FANCC: variants seen among roughly 807,000 people sequenced by gnomAD.
FANCC encodes FA complementation group C.
In FANCC, 55 loss-of-function variants were observed where a neutral mutation model predicts 71.3. That is an observed-to-expected ratio of 0.77 (90% CI 0.62 to 0.97). FANCC has a LOEUF of 0.97. FANCC is among the 50% of genes least tolerant of loss of function. The probability of loss-of-function intolerance (pLI) is 0.00; values close to 1 mark genes in which losing one functional copy is unlikely to be tolerated. For synonymous variants in FANCC, 275 were observed against 244.9 expected (o/e 1.12, Z -1.15); for missense variants, 678 against 670.9 (o/e 1.01, Z -0.12).
At chr9:95,211,527 A>G (rs1410622664) in intron 4 of FANCC, among the ~76,000 whole-genome samples, 1 of 152,230 alleles carries the variant, frequency 6.6e-6, no homozygotes, top group African/African-American at 2.4e-5. Context: ...AGGCCACTAT[A>G]GACCTGCCCC....
chr9:95,196,232 G>A (rs1272561841), intron 4 of FANCC, among the ~76,000 whole-genome samples: 2 of 151,968 alleles, frequency 1.3e-5, no homozygotes, highest in African/African-American at 2.4e-5. Flanking sequence ...TTCACTCTAC[G>A]TGTTTGGGAG....
intron 6 of FANCC, among the ~76,000 whole-genome samples, chr9:95,164,760 C>T (rs905271952): frequency 6.6e-6 from 1 of 152,096 alleles, no homozygotes; most frequent in Non-Finnish European, 1.5e-5. Flanking sequence ...CATGTAGTTT[C>T]ATTGCCTGAT....
At chr9:95,114,542 T>C in intron 12 of FANCC, 87 bp downstream of exon 12, 1 of 1,194,274 alleles carries the variant, frequency 8.4e-7, no homozygotes, top group Non-Finnish European at 1.3e-6. Context: ...AGTAATGCCT[T>C]CCTCTGTCAG....
chr9:95,294,421 T>C (rs1834249753), intron 1 of FANCC: 11 of 1,604,808 alleles, frequency 6.9e-6, no homozygotes, highest in Non-Finnish European at 9.4e-6. Flanking sequence ...TTCTAACTTC[T>C]TAGGCCTTGA....
chr9:95,173,318 A>G (rs547741195), intron 4 of FANCC, among the ~76,000 whole-genome samples: 31 of 152,326 alleles, frequency 2.0e-4, no homozygotes, highest in Non-Finnish European at 4.4e-4. Flanking sequence ...GGAACCCATC[A>G]TGAAGCTTGG....
chr9:95,242,579 G>A (rs747760700), intron 3 of FANCC, among the ~76,000 whole-genome samples: 22 of 151,268 alleles, frequency 1.5e-4, no homozygotes, highest in Admixed American at 5.9e-4. Context: ...CCCAGGTGTT[G>A]AGTGATTATG....
intron 11 of FANCC, 143 bp from the exon 12 acceptor site, chr9:95,114,853 T>C (rs951165634): frequency 3.4e-5 from 25 of 728,622 alleles, no homozygotes; most frequent in African/African-American, 1.9e-4. Flanking sequence ...CTCATGCTTT[T>C]CCCAGCCAGT....
chr9:95,266,747 T>G (rs1051493644), intron 1 of FANCC, among the ~76,000 whole-genome samples: 5 of 152,214 alleles, frequency 3.3e-5, no homozygotes, highest in Non-Finnish European at 5.9e-5. Flanking sequence ...CCCACTCATC[T>G]TTTGGGGCCT....
intron 4 of FANCC, among the ~76,000 whole-genome samples, chr9:95,223,286 G>A (rs1243644029): frequency 6.6e-6 from 1 of 152,090 alleles, no homozygotes; most frequent in Non-Finnish European, 1.5e-5. Context: ...GTGAGGAAAT[G>A]CCTCTCCCTA....
intron 12 of FANCC, among the ~76,000 whole-genome samples, chr9:95,112,451 T>G (rs1257393850): frequency 6.6e-6 from 1 of 152,218 alleles, no homozygotes. Context: ...TGGACACTGC[T>G]GTCCTCCTGC....
chr9:95,223,758 C>T (rs1829431576), intron 4 of FANCC, among the ~76,000 whole-genome samples: 2 of 152,166 alleles, frequency 1.3e-5, no homozygotes, highest in Non-Finnish European at 2.9e-5. Flanking sequence ...GGGTGGATCA[C>T]CTGAGGTCGG....
intron 7 of FANCC, among the ~76,000 whole-genome samples, chr9:95,135,765 T>C (rs1827578127): frequency 6.6e-6 from 1 of 152,152 alleles, no homozygotes; most frequent in Non-Finnish European, 1.5e-5. Flanking sequence ...TAAGCAAATG[T>C]CTAGTGATGG....
chr9:95,191,235 G>A (rs924443028), intron 4 of FANCC, among the ~76,000 whole-genome samples: 6 of 151,826 alleles, frequency 4.0e-5, no homozygotes, highest in Non-Finnish European at 8.8e-5. Context: ...AAGAAAGCCT[G>A]AGTGCTCCCT....
intron 8 of FANCC, among the ~76,000 whole-genome samples, chr9:95,128,496 T>C (rs1826357209): frequency 6.6e-6 from 1 of 152,210 alleles, no homozygotes; most frequent in African/African-American, 2.4e-5. Flanking sequence ...TTGATGCTAG[T>C]AGAGAATCAT....
At chr9:95,128,026 T>C (rs1826269527) in intron 8 of FANCC, among the ~76,000 whole-genome samples, 1 of 152,248 alleles carries the variant, frequency 6.6e-6, no homozygotes, top group African/African-American at 2.4e-5. Flanking sequence ...TTCTTACAGA[T>C]AAATTCATTA....
At chr9:95,131,131 TTTAA>T (rs1826846931) in intron 8 of FANCC, among the ~76,000 whole-genome samples, 2 of 152,248 alleles carry the variant, frequency 1.3e-5, no homozygotes, top group Admixed American at 1.3e-4. Context: ...GCAATTATTG[TTTAA>T]TTAGTGATAA....
At chr9:95,217,240 C>A (rs1039206390) in intron 4 of FANCC, among the ~76,000 whole-genome samples, 53 of 152,298 alleles carry the variant, frequency 3.5e-4, no homozygotes, top group African/African-American at 1.3e-3. Context: ...AATCCCAGCA[C>A]TTTGGGAGGC....
chr9:95,271,540 T>C lies in FANCC; in HGVS notation c.-78-22171A>G, dbSNP rs567942685. ...GAGAGGAAGGTGTCCCCAGAGGGAA[T>C]GTGGCCATGTCAGTTTTCACACTTT... On this transcript the variant is annotated intron_variant, in intron 1 of 14. Coordinates refer to ENST00000289081, the MANE Select transcript of FANCC (RefSeq NM_000136.3). Among the ~76,000 whole-genome samples, 9 of 152,312 alleles carry C rather than the reference T, an allele frequency of 5.9e-5. No homozygotes were observed. The East Asian group carries it at 1.4e-3, about 23-fold the overall frequency.
intron 13 of FANCC, chr9:95,110,134 CCT>C (rs1333571466): frequency 1.3e-5 from 7 of 531,520 alleles, no homozygotes; most frequent in South Asian, 8.2e-5. Context: ...CTAGGCATCC[CCT>C]GAGGGAGAAC....
Sources: gnomAD v4.1 joint callset for allele counts (sites outside exome capture counted in the v4.1 genomes callset) on GRCh38, gnomAD v4.1.1 for gene constraint, MANE v1.5 for transcripts, NCBI Gene and HGNC (gene_info 2026-07-23, HGNC 2026-07-21) for gene names.